The following CEP290 variants were observed in gnomAD, a reference collection of about 807,000 sequenced individuals.
CEP290 encodes centrosomal protein of 290 kDa.
CEP290 carries 317 observed loss-of-function variants against 344.9 expected under a neutral mutation model. The observed-to-expected ratio is 0.92, with a 90% confidence interval of 0.84 to 1.01. CEP290 has a LOEUF of 1.01. Ranked by LOEUF, CEP290 falls within the 50% of genes least tolerant of loss-of-function variation. CEP290 has a pLI of 0.00. For synonymous variants in CEP290, 932 were observed against 895.8 expected, an observed-to-expected ratio of 1.04 and a Z score of -0.72; for missense variants, 2,754 against 2,761.4, an observed-to-expected ratio of 1.00 and a Z score of 0.06.
At chr12:88,052,640 T>C (rs1488285532) in intron 52 of CEP290, among the ~76,000 whole-genome samples, 1 of 151,420 alleles carries the variant, frequency 6.6e-6, no homozygotes, top group African/African-American at 2.5e-5. Flanking sequence ...TATATATACA[T>C]ACACGCATAT....
At chr12:88,054,495 C>A in intron 50 of CEP290, 82 bp from the exon 51 acceptor site, 1 of 1,074,282 alleles carries the variant, frequency 9.3e-7, no homozygotes, top group Non-Finnish European at 1.4e-6. Flanking sequence ...TTTAACAAAG[C>A]GTAATATTAA....
rs375111436 is a variant in CEP290 at position 88,086,110 on chromosome 12, C to T, written c.4366G>A (p.Ala1456Thr). 16 of 1,613,052 alleles carry T rather than the reference C, an allele frequency of 9.9e-6. 1 individual carries two copies. The highest frequency in any genetic ancestry group is 6.7e-5 in the African/African-American group (5 of 74,996). The change falls in exon 34 of 54, where the codon GCT becomes ACT. Residue 1456 changes from alanine to threonine, a missense_variant. Coordinates refer to ENST00000552810, the MANE Select transcript of CEP290 (RefSeq NM_025114.4). ...SLPLPNQLEI[A>T]LRKIKENIRI... ...ATGTTCTCCTTAATTTTCCTTAGAGCGATCTCAAGTTGATTTGGAAGGGGC... is the reference window on the plus strand; with the variant it reads ...ATGTTCTCCTTAATTTTCCTTAGAGTGATCTCAAGTTGATTTGGAAGGGGC...
chr12:88,109,243 G>C (rs2038506761), intron 22 of CEP290, 62 bp from the exon 23 acceptor site: 1 of 612,134 alleles, frequency 1.6e-6, no homozygotes. Context: ...TGCTGAATTT[G>C]AAAGTATAAA....
At position 88,064,032 on chromosome 12, in the gene CEP290, A is replaced by C; in HGVS notation, c.6219T>G (p.Ile2073Met). The change falls in exon 45 of 54, where the codon ATT becomes ATG. Residue 2073 changes from isoleucine to methionine, a missense_variant. Transcript: ENST00000552810. ...KENLKLSSEN[I>M]ELKFQLEQAN... The stretch of plus-strand genomic sequence containing the variant: ...CTTGTTCAAGCTGAAATTTCAGTTC[A>C]ATATTTTCAGATGACAACTTCAAGT... 1 of 1,598,042 alleles carries C rather than the reference A, an allele frequency of 6.3e-7. No individual in the cohort carries two copies. The highest frequency in any genetic ancestry group is 8.5e-7 in the Non-Finnish European group (1 of 1,171,198).
At chr12:88,128,818 A>G in intron 11 of CEP290, 128 bp downstream of exon 11, 1 of 535,258 alleles carries the variant, frequency 1.9e-6, no homozygotes, top group Non-Finnish European at 3.1e-6. Flanking sequence ...TAAATAAAAT[A>G]AACTTATGTT....
At chr12:88,140,168 T>G (rs1248200250) in intron 3 of CEP290, among the ~76,000 whole-genome samples, 2 of 152,184 alleles carry the variant, frequency 1.3e-5, no homozygotes, top group Non-Finnish European at 2.9e-5. Context: ...ACATCTCCCT[T>G]TGTAATGTCT....
chr12:88,060,494 A>G (rs1183120307), intron 47 of CEP290, among the ~76,000 whole-genome samples: 1 of 152,148 alleles, frequency 6.6e-6, no homozygotes, highest in Non-Finnish European at 1.5e-5. Context: ...CGGGAGGCAG[A>G]GCTTGCAGTG....
At chr12:88,090,646 A>G in intron 30 of CEP290, 82 bp downstream of exon 30, 1 of 857,656 alleles carries the variant, frequency 1.2e-6, no homozygotes, top group East Asian at 2.7e-5. Context: ...AACAAAAAGT[A>G]TAACATATCC....
Position 88,113,931 on chromosome 12 carries a change from T to C in CEP290, c.2052+489A>G, listed in dbSNP as rs145054108. On this transcript the variant is annotated intron_variant, in intron 20 of 53. Coordinates refer to ENST00000552810, the MANE Select transcript of CEP290 (RefSeq NM_025114.4). ...TAGAAAATGAACAAAAGCAAGCAGA[T>C]TTTGGGAAAAAACCCCTCAAATACG... Among the ~76,000 whole-genome samples the C allele has an allele frequency of 6.6e-5, 10 of 152,120 alleles. No individual in the cohort carries two copies. In the East Asian group the frequency reaches 1.9e-3, roughly 29 times the overall value.
At chr12:88,109,030 C>T in intron 23 of CEP290, 36 bp downstream of exon 23, 1 of 654,788 alleles carries the variant, frequency 1.5e-6, no homozygotes, top group Non-Finnish European at 2.5e-6. Context: ...CAAGAATATA[C>T]TGCAATTATA....
intron 43 of CEP290, among the ~76,000 whole-genome samples, chr12:88,070,188 C>T (rs2035265013): frequency 6.6e-6 from 1 of 152,162 alleles, no homozygotes; most frequent in Non-Finnish European, 1.5e-5. Context: ...GGAGTAAATA[C>T]ATTCAATCTT....
chr12:88,115,299 G>A (rs959068337), intron 18 of CEP290, 117 bp from the exon 19 acceptor site: 7 of 691,234 alleles, frequency 1.0e-5, no homozygotes, highest in South Asian at 4.0e-5. Flanking sequence ...CAAAAAAAAC[G>A]AGCTATGAAG....
intron 44 of CEP290, 59 bp from the exon 45 acceptor site, chr12:88,064,174 A>G (rs2034708217): frequency 6.5e-6 from 9 of 1,379,450 alleles, no homozygotes; most frequent in Non-Finnish European, 9.8e-7. Context: ...GCCATAAAAG[A>G]CATACTGGAT....
chr12:88,088,165 T>C (rs1308188345), intron 31 of CEP290, among the ~76,000 whole-genome samples: 1 of 152,218 alleles, frequency 6.6e-6, no homozygotes, highest in Non-Finnish European at 1.5e-5. Context: ...CAAATTATGT[T>C]GGAATGGACA....
chr12:88,080,367 T>C lies in CEP290; in HGVS notation c.5041A>G (p.Lys1681Glu), dbSNP rs771700122. ...QLQENHEDEV[K>E]KVKAEVEDLK... ...TCCTCTACTTCCGCTTTTACTTTTT[T>C]CACTTCATCTTCATGGTTTTCTTGA... Residue 1681 changes from lysine (K) to glutamate (E), a missense_variant, in exon 38 of 54, where the codon AAA becomes GAA. Lys to Glu is a moderately conservative substitution (Grantham distance 56). Coordinates refer to ENST00000552810, the MANE Select transcript of CEP290 (RefSeq NM_025114.4). The C allele has an allele frequency of 6.2e-7, 1 of 1,613,146 alleles. No homozygotes were observed. The highest frequency in any genetic ancestry group is 8.5e-7 in the Non-Finnish European group (1 of 1,179,452).
chr12:88,103,092 C>A (rs919062986), intron 25 of CEP290, 81 bp from the exon 26 acceptor site: 9 of 816,210 alleles, frequency 1.1e-5, no homozygotes, highest in African/African-American at 1.1e-4. Flanking sequence ...AAAGATAATA[C>A]AACTTAAAGT....
intron 47 of CEP290, 23 bp from the exon 48 acceptor site, chr12:88,060,043 A>G: frequency 2.7e-6 from 4 of 1,492,390 alleles, no homozygotes; most frequent in Non-Finnish European, 3.6e-6. Flanking sequence ...CAAACAAAAT[A>G]AAAAGTATAC....
intron 6 of CEP290, among the ~76,000 whole-genome samples, chr12:88,132,050 C>T (rs2040105015): frequency 6.6e-6 from 1 of 152,130 alleles, no homozygotes; most frequent in Admixed American, 6.5e-5. Context: ...CTCATACATG[C>T]TGACATAAGA....
chr12:88,118,424 T>C (rs971226806), intron 17 of CEP290, 59 bp downstream of exon 17: 5 of 1,312,882 alleles, frequency 3.8e-6, no homozygotes, highest in African/African-American at 3.0e-5. Flanking sequence ...AATAATTTCA[T>C]ATCCAGACAA....
Sources: allele counts gnomAD v4.1 joint callset (sites outside exome capture counted in the v4.1 genomes callset), GRCh38; gene constraint gnomAD v4.1.1; transcripts MANE v1.5; gene names NCBI Gene and HGNC (gene_info 2026-07-23, HGNC 2026-07-21).